Variants in WDR1 observed in about 807,000 individuals in gnomAD.
The protein encoded by WDR1 is WD repeat domain 1.
WDR1 carries 21 observed loss-of-function variants against 71.9 expected under a neutral mutation model. The observed-to-expected ratio is 0.29, with a 90% CI of 0.21 to 0.42. The LOEUF (loss-of-function observed/expected upper bound fraction) is 0.42, where lower values mean the gene tolerates loss of function less well. Ranked by LOEUF, WDR1 falls within the 10% of genes least tolerant of loss-of-function variation. The pLI is 1.00. For missense variants in WDR1, 696 were observed against 824.5 expected (o/e 0.84, Z 1.91); for synonymous variants, 424 against 347.4 (o/e 1.22, Z -2.45).
chr4:10,105,791 G>C (rs927846268), intron 2 of WDR1, among the ~76,000 whole-genome samples: 4 of 152,162 alleles, frequency 2.6e-5, no homozygotes, highest in Non-Finnish European at 5.9e-5. Flanking sequence ...TGGAGAAATG[G>C]AAGCATGTGT....
At chr4:10,090,898 C>T (rs4289442) in intron 5 of WDR1, among the ~76,000 whole-genome samples, 3,460 of 152,344 alleles carry the variant, frequency 0.023, 114 homozygotes, top group Admixed American at 0.095. Context: ...GCTTGCATTC[C>T]GTTCTATGAC....
intron 2 of WDR1, among the ~76,000 whole-genome samples, chr4:10,104,456 CAGG>C (rs535264600): frequency 7.0e-4 from 106 of 152,284 alleles, no homozygotes; most frequent in Non-Finnish European, 1.2e-3. Context: ...CTGTGCTGTG[CAGG>C]AGCAGAGCAG....
rs146925144 is a variant in WDR1, at chr4:10,091,169, C to T, written c.559-2428G>A. On this transcript the variant is annotated intron_variant, in intron 5 of 14. Coordinates refer to ENST00000499869, the MANE Select transcript of WDR1 (RefSeq NM_017491.5). Reference sequence around the variant, plus strand: ...AACGGGGAACACAGGACTGGACGGTCGTCTCTGGCTATGGTGCTAGAGGTC... The same window carrying T: ...AACGGGGAACACAGGACTGGACGGTTGTCTCTGGCTATGGTGCTAGAGGTC... Among the ~76,000 whole-genome samples the T allele has an allele frequency of 3.9e-5, 6 of 152,356 alleles. No homozygotes were observed. The South Asian group carries it at 6.2e-4, about 16-fold the overall frequency.
intron 8 of WDR1, among the ~76,000 whole-genome samples, chr4:10,085,697 C>T (rs780566132): frequency 1.3e-5 from 2 of 152,270 alleles, no homozygotes; most frequent in African/African-American, 4.8e-5. Flanking sequence ...CAAGCTCCTG[C>T]TGCCCTGAGA....
intron 7 of WDR1, 37 bp downstream of exon 7, chr4:10,088,256 T>A (rs1439434850): frequency 6.5e-7 from 1 of 1,544,540 alleles, no homozygotes; most frequent in Non-Finnish European, 8.8e-7. Flanking sequence ...CTCGGCCAAA[T>A]TCCCACCACT....
chr4:10,095,352 CAATT>C (rs1317694374), intron 5 of WDR1, among the ~76,000 whole-genome samples: 2 of 152,234 alleles, frequency 1.3e-5, no homozygotes, highest in East Asian at 1.9e-4. Context: ...ATAACAGGCT[CAATT>C]AATTCCTGAG....
intron 5 of WDR1, chr4:10,093,150 G>GCA: frequency 7.8e-7 from 1 of 1,289,274 alleles, no homozygotes; most frequent in Non-Finnish European, 1.0e-6. Context: ...CCTGTCTCCA[G>GCA]CACACACATG....
chr4:10,114,439 G>T (rs1345249608), intron 2 of WDR1, among the ~76,000 whole-genome samples: 2 of 152,276 alleles, frequency 1.3e-5, no homozygotes, highest in East Asian at 1.9e-4. Context: ...GGACCCATGT[G>T]GGGTGGAAAG....
chr4:10,096,291 G>A (rs1423105645), intron 5 of WDR1: 2 of 152,284 alleles, frequency 1.3e-5, no homozygotes, highest in Non-Finnish European at 2.9e-5. Context: ...GCCCTGGGCT[G>A]AGATGGGGTG....
Position 10,097,902 on chromosome 4 carries a change from T to C in WDR1, c.378-11A>G. On this transcript the variant is annotated splice_polypyrimidine_tract_variant and intron_variant, in intron 4 of 14. Transcript: ENST00000499869. ...AAGACTGCTCCAAACCTTGACCCAATGACACAGGTGGAAGACAAAAAAAAA... is the reference window on the plus strand; with the variant it reads ...AAGACTGCTCCAAACCTTGACCCAACGACACAGGTGGAAGACAAAAAAAAA... 6.8e-7 allele frequency: 1 copy of C among 1,470,978 alleles called. No homozygotes were observed. Among genetic ancestry groups the C allele is most frequent in the Non-Finnish European group, 9.0e-7 (1 of 1,106,112 alleles). 91.1% of individuals were successfully genotyped at this position (1,470,978 alleles called of 1,614,324 possible). A position where few individuals can be genotyped will look rare whatever the true frequency, so the allele number is the denominator to read the frequency against.
rs201208400 is a variant in WDR1 at position 10,110,752 on chromosome 4, A to AC, written c.138+5360dup. Among the ~76,000 whole-genome samples the AC allele has an allele frequency of 5.3e-3, 803 of 152,272 alleles. 7 individuals carry two copies. Among genetic ancestry groups the AC allele is most frequent in the Middle Eastern group, 0.02 (6 of 294 alleles). ...CTTTACCAGAGTTTTCAACCTTGGT[A>AC]CCCCTGGCATTTGGGGCTGGACAGT... On this transcript the variant is annotated intron_variant, in intron 2 of 14. Coordinates refer to ENST00000499869, the MANE Select transcript of WDR1 (RefSeq NM_017491.5).
intron 5 of WDR1, among the ~76,000 whole-genome samples, chr4:10,089,163 C>T (rs1035373387): frequency 6.6e-6 from 1 of 152,224 alleles, no homozygotes; most frequent in African/African-American, 2.4e-5. Flanking sequence ...GGCTGGAGTG[C>T]AGTGGCACAA....
At chr4:10,116,002 C>T (rs1316000842) in intron 2 of WDR1, 111 bp downstream of exon 2, 6 of 1,445,780 alleles carry the variant, frequency 4.2e-6, no homozygotes, top group Non-Finnish European at 4.7e-6. Context: ...GCGTGGCGCC[C>T]TCACCCTCCC....
At chr4:10,075,579 A>G in intron 14 of WDR1, 95 bp from the exon 15 acceptor site, 1 of 1,157,326 alleles carries the variant, frequency 8.6e-7, no homozygotes, top group South Asian at 1.4e-5. Flanking sequence ...TGCCTAAATC[A>G]TCTCCAGGGC....
At chr4:10,089,580 A>C (rs955350451) in intron 5 of WDR1, among the ~76,000 whole-genome samples, 2 of 152,194 alleles carry the variant, frequency 1.3e-5, no homozygotes, top group Non-Finnish European at 2.9e-5. Context: ...TCCTTAAATA[A>C]GCAGTTGTAA....
intron 10 of WDR1, among the ~76,000 whole-genome samples, chr4:10,081,692 G>A (rs111321097): frequency 2.7e-5 from 4 of 150,318 alleles, no homozygotes; most frequent in African/African-American, 4.9e-5. Flanking sequence ...GGCGGGAGGC[G>A]GTGAAAGGCG....
At chr4:10,102,179 C>A (rs1401571032) in intron 3 of WDR1, among the ~76,000 whole-genome samples, 1 of 152,222 alleles carries the variant, frequency 6.6e-6, no homozygotes, top group African/African-American at 2.4e-5. Flanking sequence ...ATTAGTGCAA[C>A]AGCCATGCTG....
At chr4:10,079,075 G>A (rs1317722958) in intron 11 of WDR1, 74 bp from the exon 12 acceptor site, 4 of 1,248,330 alleles carry the variant, frequency 3.2e-6, no homozygotes, top group South Asian at 1.4e-5. Flanking sequence ...GGAGGGGCGC[G>A]TCCCTGTCGG....
intron 2 of WDR1, among the ~76,000 whole-genome samples, chr4:10,113,126 G>A (rs373080060): frequency 6.6e-6 from 1 of 152,178 alleles, no homozygotes; most frequent in African/African-American, 2.4e-5. Context: ...AGGCCAAGGC[G>A]AGCGAGCAGA....
Sources: gnomAD v4.1 joint callset for allele counts (sites outside exome capture counted in the v4.1 genomes callset) on GRCh38, gnomAD v4.1.1 for gene constraint, MANE v1.5 for transcripts, NCBI Gene and HGNC (gene_info 2026-07-23, HGNC 2026-07-21) for gene names.